The following CNTN5 variants were observed in gnomAD, a reference collection of about 807,000 sequenced individuals.
The protein encoded by CNTN5 is contactin 5.
Under a neutral mutation model 129.1 loss-of-function variants are expected in CNTN5, and 77 were observed. That is an observed-to-expected ratio of 0.60 (90% CI 0.50 to 0.72). The LOEUF is 0.72. Among genes scored for constraint, CNTN5 ranks in the 30% least tolerant of loss-of-function variants. The pLI is 0.00. For missense variants in CNTN5, 1,478 were observed against 1,328.8 expected (o/e 1.11, Z -1.75); for synonymous variants, 509 against 465.6 (o/e 1.09, Z -1.20).
intron 2 of CNTN5, among the ~76,000 whole-genome samples, chr11:99,361,932 A>G (rs58064471): frequency 0.03 from 4,630 of 152,194 alleles, 209 homozygotes; most frequent in African/African-American, 0.1. Flanking sequence ...CCTATTATGA[A>G]TAACACTGCT....
At chr11:100,057,222 G>T (rs1332025000) in intron 9 of CNTN5, among the ~76,000 whole-genome samples, 2 of 147,508 alleles carry the variant, frequency 1.4e-5, no homozygotes, top group East Asian at 1.9e-4. Flanking sequence ...TATATATAAA[G>T]TATAAGTATA....
intron 4 of CNTN5, among the ~76,000 whole-genome samples, chr11:99,824,402 T>C (rs1946890436): frequency 6.6e-6 from 1 of 152,058 alleles, no homozygotes; most frequent in Non-Finnish European, 1.5e-5. Context: ...TCTGGTTTTT[T>C]CTAATGCATA....
intron 3 of CNTN5, among the ~76,000 whole-genome samples, chr11:99,612,328 G>T (rs531906896): frequency 6.6e-6 from 1 of 152,272 alleles, no homozygotes; most frequent in Non-Finnish European, 1.5e-5. Context: ...GCACCTGCTT[G>T]AAAGGCTGTC....
At chr11:99,845,512 A>C (rs147180391) in intron 6 of CNTN5, among the ~76,000 whole-genome samples, 1 of 149,898 alleles carries the variant, frequency 6.7e-6, no homozygotes, top group South Asian at 2.1e-4. Flanking sequence ...AGCTGGGACT[A>C]CAGGCGCCCG....
intron 3 of CNTN5, among the ~76,000 whole-genome samples, chr11:99,793,618 A>G (rs1413109878): frequency 1.3e-5 from 2 of 152,098 alleles, no homozygotes. Flanking sequence ...ATTGTATGCT[A>G]TATTTTGTTT....
At chr11:100,055,475 G>A (rs1943179651) in intron 9 of CNTN5, among the ~76,000 whole-genome samples, 1 of 151,038 alleles carries the variant, frequency 6.6e-6, no homozygotes, top group South Asian at 2.1e-4. Flanking sequence ...ATGGTTTATT[G>A]GTGAAAAACT....
At chr11:100,046,449 A>G (rs953949743) in intron 9 of CNTN5, among the ~76,000 whole-genome samples, 10 of 152,204 alleles carry the variant, frequency 6.6e-5, no homozygotes, top group African/African-American at 2.2e-4. Context: ...GCATAGATAT[A>G]TATTTTAACA....
At chr11:99,748,276 T>A (rs1944122179) in intron 3 of CNTN5, among the ~76,000 whole-genome samples, 1 of 152,104 alleles carries the variant, frequency 6.6e-6, no homozygotes, top group East Asian at 1.9e-4. Context: ...TTGAGAAATA[T>A]TGGGATTAAT....
At chr11:100,115,965 A>G (rs1945828171) in intron 13 of CNTN5, among the ~76,000 whole-genome samples, 1 of 152,038 alleles carries the variant, frequency 6.6e-6, no homozygotes, top group Non-Finnish European at 1.5e-5. Context: ...CAATGACCAC[A>G]AGAGGGATGA....
At chr11:99,258,872 A>G (rs979215491) in intron 1 of CNTN5, among the ~76,000 whole-genome samples, 2 of 151,876 alleles carry the variant, frequency 1.3e-5, no homozygotes, top group Non-Finnish European at 2.9e-5. Flanking sequence ...AATTACAAAA[A>G]ACATTCTGTC....
chr11:99,563,700 G>C (rs970292623), intron 3 of CNTN5, among the ~76,000 whole-genome samples: 4 of 152,180 alleles, frequency 2.6e-5, no homozygotes, highest in Non-Finnish European at 5.9e-5. Flanking sequence ...CATTGCTTGT[G>C]ATTGATGCCT....
intron 1 of CNTN5, among the ~76,000 whole-genome samples, chr11:99,317,453 C>G (rs1865389740): frequency 6.6e-6 from 1 of 151,946 alleles, no homozygotes; most frequent in African/African-American, 2.4e-5. Flanking sequence ...TGAGAAAGGT[C>G]AGAAGACAAG....
chr11:99,099,983 T>G (rs1866645958), intron 1 of CNTN5, among the ~76,000 whole-genome samples: 1 of 152,172 alleles, frequency 6.6e-6, no homozygotes, highest in Admixed American at 6.6e-5. Context: ...TTCTATTATT[T>G]CATAGTTAAT....
chr11:99,370,426 C>T (rs1939755471), intron 2 of CNTN5, among the ~76,000 whole-genome samples: 1 of 152,158 alleles, frequency 6.6e-6, no homozygotes, highest in African/African-American at 2.4e-5. Context: ...ACTGTAATTG[C>T]TATGCTTGAC....
In CNTN5 at chr11:99,352,950, A is replaced by G. The variant is rs563405904; in HGVS notation, c.-71+27466A>G. Among the ~76,000 whole-genome samples the G allele has an allele frequency of 1.4e-4, 22 of 152,254 alleles. No homozygotes were observed. In the South Asian group the frequency reaches 4.4e-3, roughly 30 times the overall value. On this transcript the variant is annotated intron_variant, in intron 2 of 24. Transcript: ENST00000524871. The stretch of plus-strand genomic sequence containing the variant: ...GGCTGTCTGCCTCACTGACCAGGCA[A>G]GCCAGCTCAGGCTCTCCCTTATACC...
chr11:100,203,379 G>T (rs1265037514), intron 15 of CNTN5, among the ~76,000 whole-genome samples: 7 of 151,996 alleles, frequency 4.6e-5, no homozygotes, highest in Non-Finnish European at 8.8e-5. Context: ...TTTAACAACT[G>T]AAGTGGATGC....
intron 1 of CNTN5, among the ~76,000 whole-genome samples, chr11:99,100,882 C>A (rs772173593): frequency 4.6e-5 from 7 of 152,130 alleles, no homozygotes; most frequent in Non-Finnish European, 8.8e-5. Context: ...AAAATTGAGT[C>A]ATTCTAAAAT....
intron 3 of CNTN5, among the ~76,000 whole-genome samples, chr11:99,697,700 G>A (rs1954334644): frequency 6.6e-6 from 1 of 151,598 alleles, no homozygotes; most frequent in African/African-American, 2.4e-5. Context: ...TATCAATATA[G>A]ATTCACTAAG....
intron 21 of CNTN5, among the ~76,000 whole-genome samples, chr11:100,326,886 G>C (rs983452863): frequency 6.6e-6 from 1 of 152,148 alleles, no homozygotes; most frequent in African/African-American, 2.4e-5. Context: ...CAGTCACTGG[G>C]CACCAAAAGC....
Sources: allele counts gnomAD v4.1 joint callset (sites outside exome capture counted in the v4.1 genomes callset), GRCh38; gene constraint gnomAD v4.1.1; transcripts MANE v1.5; gene names NCBI Gene and HGNC (gene_info 2026-07-23, HGNC 2026-07-21).